Variants in MYO5B observed in about 807,000 individuals in gnomAD.
MYO5B encodes unconventional myosin-Vb.
In MYO5B, 143 loss-of-function variants were observed where a neutral mutation model predicts 229.3. The observed-to-expected ratio is 0.62, with a 90% CI of 0.54 to 0.72. The LOEUF (loss-of-function observed/expected upper bound fraction) is 0.72, where lower values mean the gene tolerates loss of function less well. Ranked by LOEUF, MYO5B falls within the 30% of genes least tolerant of loss-of-function variation. MYO5B has a pLI of 0.00. For missense variants in MYO5B, 2,321 were observed against 2,331.0 expected, an observed-to-expected ratio of 1.00 and a Z score of 0.09; for synonymous variants, 918 against 885.2, an observed-to-expected ratio of 1.04 and a Z score of -0.66.
At chr18:49,866,960 G>C (rs1199932850) in intron 27 of MYO5B, among the ~76,000 whole-genome samples, 1 of 152,124 alleles carries the variant, frequency 6.6e-6, no homozygotes, top group Non-Finnish European at 1.5e-5. Context: ...CAGACAAGAG[G>C]CCTCCAGGTA....
Position 49,972,016 on chromosome 18 carries a change from T to C in MYO5B, c.1322+2334A>G, listed in dbSNP as rs946715648. On this transcript the variant is annotated intron_variant, in intron 10 of 39. Transcript: ENST00000285039. The stretch of plus-strand genomic sequence containing the variant: ...ATTCCCAAGAATGGCCTTATGCTGA[T>C]GGCCCTGTATCGGGACCCTGCCCTC... 7.2e-5 allele frequency among the ~76,000 whole-genome samples: 11 copies of C among 152,328 alleles called. No individual in the cohort carries two copies. In the South Asian group the frequency reaches 2.1e-3, roughly 29 times the overall value.
chr18:49,835,480 T>C, intron 38 of MYO5B, 56 bp from the exon 39 acceptor site: 1 of 1,155,630 alleles, frequency 8.7e-7, no homozygotes, highest in East Asian at 2.3e-5. Context: ...GAGACAACTT[T>C]TGAACTTTAA....
Position 50,040,217 on chromosome 18 carries a change from T to C in MYO5B, c.236A>G (p.Tyr79Cys), listed in dbSNP as rs1598972786. Reference sequence around the variant, plus strand: ...ATGCAAAACTGCAGGCTCATGAAGATAGCTAAGGGCAGTCAGGTCATTTTC... The same window carrying C: ...ATGCAAAACTGCAGGCTCATGAAGACAGCTAAGGGCAGTCAGGTCATTTTC... ...VGENDLTALS[Y>C]LHEPAVLHNL... The change falls in exon 3 of 40, where the codon TAT becomes TGT. Residue 79 changes from tyrosine to cysteine, a missense_variant. Physicochemically the swap from Tyr to Cys is radical, Grantham distance 194 (BLOSUM62 -2). Around this residue, in one of 2 missense-constraint regions of MYO5B, gnomAD observed 2,113 missense variants for 2,044.7 expected, o/e 1.03. Transcript: ENST00000285039. 19 of 1,614,002 alleles carry C rather than the reference T, an allele frequency of 1.2e-5. No homozygotes were observed. Among genetic ancestry groups the C allele is most frequent in the Admixed American group, 1.7e-5 (1 of 60,000 alleles).
chr18:50,100,713 A>G (rs1033447160), intron 1 of MYO5B, among the ~76,000 whole-genome samples: 1 of 152,244 alleles, frequency 6.6e-6, no homozygotes, highest in Non-Finnish European at 1.5e-5. Context: ...TCTAGGGATC[A>G]GCAAACCAAA....
intron 1 of MYO5B, among the ~76,000 whole-genome samples, chr18:50,081,058 G>C (rs558793738): frequency 6.6e-6 from 1 of 152,244 alleles, no homozygotes; most frequent in East Asian, 1.9e-4. Flanking sequence ...ATAAAGTTAT[G>C]AGTCACCAGA....
chr18:49,954,803 A>C (rs941944283), intron 12 of MYO5B, among the ~76,000 whole-genome samples: 10 of 152,198 alleles, frequency 6.6e-5, no homozygotes, highest in Non-Finnish European at 1.0e-4. Flanking sequence ...TCAGCATCAC[A>C]AAACACATCC....
intron 1 of MYO5B, among the ~76,000 whole-genome samples, chr18:50,167,887 C>T (rs7229241): frequency 0.021 from 3,139 of 152,266 alleles, 104 homozygotes; most frequent in African/African-American, 0.072. Flanking sequence ...AAACACTTTC[C>T]TATCATTTGT....
chr18:49,956,630 A>T (rs570820963), intron 12 of MYO5B, among the ~76,000 whole-genome samples: 19 of 152,168 alleles, frequency 1.2e-4, no homozygotes, highest in African/African-American at 3.6e-4. Flanking sequence ...CGGTAGCTCC[A>T]TAATATGCAG....
At chr18:50,024,170 C>A (rs891706919) in intron 4 of MYO5B, among the ~76,000 whole-genome samples, 3 of 152,070 alleles carry the variant, frequency 2.0e-5, no homozygotes, top group Non-Finnish European at 4.4e-5. Context: ...TGACCCAGTG[C>A]GGAAGCAGAA....
Position 49,841,429 on chromosome 18 carries a change from G to A in MYO5B, c.4637C>T (p.Thr1546Met), listed in dbSNP as rs200907971. 1.4e-4 allele frequency: 223 copies of A among 1,614,128 alleles called. No individual in the cohort carries two copies. In the East Asian group the frequency reaches 4.0e-3, roughly 29 times the overall value. ...GCAGGTGTTGGATAACCAGAATGAC[G>A]TCATCTCAAAGTCATCATTGTGCTT... ...LKKHNDDFEM[T>M]SFWLSNTCRL... The change falls in exon 35 of 40, where the codon ACG (threonine) becomes ATG (methionine). Residue 1546 changes from threonine (T) to methionine (M), a missense_variant. By Grantham distance (81) the Thr-to-Met change is moderately conservative. Transcript: ENST00000285039.
chr18:49,823,777 C>A lies in MYO5B; in HGVS notation c.*2694G>T, dbSNP rs922075160. ...AAATGCATGTATGTAATATGCTTGT[C>A]AGCTTCAGCAACAACTCATGTGTAC... On this transcript the variant is annotated 3_prime_UTR_variant, in exon 40 of 40. Coordinates refer to ENST00000285039, the MANE Select transcript of MYO5B (RefSeq NM_001080467.3). The A allele has an allele frequency of 1.3e-5, 2 of 152,402 alleles. No individual in the cohort carries two copies. The highest frequency in any genetic ancestry group is 2.9e-5 in the Non-Finnish European group (2 of 68,028). The allele number at this position is 152,402 out of a possible 1,614,324, so 9.4% of individuals were successfully genotyped here.
rs550696496 is a variant in MYO5B, at chr18:49,906,643, G to C, written c.2203-13C>G. 1.2e-4 allele frequency: 197 copies of C among 1,609,420 alleles called. 3 individuals are homozygous for C. In the South Asian group the frequency reaches 2.0e-3, roughly 17 times the overall value. ...ACTTGTCGGGGTCCTTTACAAGGTA[G>C]GGAGGGGATCTGGTTGGTCACCAGT... is the stretch of plus-strand genomic sequence containing the variant. On this transcript the variant is annotated splice_polypyrimidine_tract_variant and intron_variant, in intron 18 of 39. Coordinates refer to ENST00000285039, the MANE Select transcript of MYO5B (RefSeq NM_001080467.3).
chr18:49,846,650 G>T lies in MYO5B; in HGVS notation c.4459+496C>A, dbSNP rs9950901. Reference sequence around the variant, plus strand: ...TTGATCCACTGCTTCCCAGCTGTGTGACCTGGGCAAGTTACTAGAGTGAGT... The same window carrying T: ...TTGATCCACTGCTTCCCAGCTGTGTTACCTGGGCAAGTTACTAGAGTGAGT... On this transcript the variant is annotated intron_variant, in intron 33 of 39. Transcript: ENST00000285039. Among the ~76,000 whole-genome samples the T allele has an allele frequency of 8.1e-3, 1,235 of 152,268 alleles. 10 individuals carry two copies. The highest frequency in any genetic ancestry group is 0.028 in the African/African-American group (1,143 of 41,558).
chr18:50,070,918 T>C (rs970629385), intron 1 of MYO5B, among the ~76,000 whole-genome samples: 3 of 152,078 alleles, frequency 2.0e-5, no homozygotes, highest in African/African-American at 4.8e-5. Context: ...TCACTACTCA[T>C]TGCAGCCTCC....
intron 4 of MYO5B, among the ~76,000 whole-genome samples, chr18:50,025,401 C>T (rs1384751838): frequency 6.6e-6 from 1 of 152,190 alleles, no homozygotes; most frequent in African/African-American, 2.4e-5. Flanking sequence ...TAGCCCCTTG[C>T]CCTCTGTGAT....
rs970457989 is a variant in MYO5B at position 49,880,371 on chromosome 18, C to T, written c.3130G>A (p.Asp1044Asn). 2 of 1,613,278 alleles carry T rather than the reference C, an allele frequency of 1.2e-6. No individual in the cohort carries two copies. Among genetic ancestry groups the T allele is most frequent in the Admixed American group, 1.7e-5 (1 of 60,004 alleles). The part of the protein sequence containing the change: ...LNNQILCQSK[D>N]EFAQNSVKEN... Reference sequence around the variant, plus strand: ...AAAACTCAAGTGCTTTGGTACTTACCTTTAGACTGGCACAGGATTTGGTTG... The same window carrying T: ...AAAACTCAAGTGCTTTGGTACTTACTTTTAGACTGGCACAGGATTTGGTTG... The change falls in exon 23 of 40, where the codon GAT (aspartate) becomes AAT (asparagine). Residue 1044 changes from aspartate (D) to asparagine (N), a missense_variant and splice_region_variant. This residue lies in a region of MYO5B where 2,113 missense variants were observed against 2,044.7 expected (regional missense o/e 1.03). Coordinates refer to ENST00000285039, the MANE Select transcript of MYO5B (RefSeq NM_001080467.3).
chr18:50,064,920 G>A (rs1349971144), intron 1 of MYO5B, among the ~76,000 whole-genome samples: 1 of 152,166 alleles, frequency 6.6e-6, no homozygotes, highest in Non-Finnish European at 1.5e-5. Context: ...TTAAGAGAAA[G>A]CATAGGAGCA....
chr18:50,052,739 T>C (rs897130457), intron 2 of MYO5B, among the ~76,000 whole-genome samples: 3 of 151,500 alleles, frequency 2.0e-5, no homozygotes, highest in African/African-American at 7.3e-5. Flanking sequence ...AATTTTATGC[T>C]ACATATATTT....
chr18:49,830,950 C>T (rs28767292), intron 39 of MYO5B, among the ~76,000 whole-genome samples: 3,730 of 147,006 alleles, frequency 0.025, 140 homozygotes, highest in South Asian at 0.12. Context: ...GACAGACATA[C>T]AGACCAATAG....
Sources: allele counts gnomAD v4.1 joint callset (sites outside exome capture counted in the v4.1 genomes callset), GRCh38; gene constraint gnomAD v4.1.1; regional missense constraint gnomAD v4.1.1; transcripts MANE v1.5; gene names NCBI Gene and HGNC (gene_info 2026-07-23, HGNC 2026-07-21).